The following NPAT variants were observed in gnomAD, a reference collection of about 807,000 sequenced individuals.
The protein encoded by NPAT is nuclear protein, coactivator of histone transcription.
A neutral mutation model predicts 130.7 loss-of-function variants in NPAT; 52 were observed. The observed-to-expected ratio is 0.40, with a 90% CI of 0.32 to 0.50. The LOEUF (loss-of-function observed/expected upper bound fraction) is 0.50, where lower values mean the gene tolerates loss of function less well. Ranked by LOEUF, NPAT falls within the 20% of genes least tolerant of loss-of-function variation. The pLI is 0.68. For missense variants in NPAT, 1,687 were observed against 1,662.6 expected (o/e 1.01, Z -0.26); for synonymous variants, 580 against 584.8 (o/e 0.99, Z 0.12).
chr11:108,207,804 C>T (rs769445084), intron 1 of NPAT, among the ~76,000 whole-genome samples: 14 of 152,160 alleles, frequency 9.2e-5, no homozygotes, highest in Non-Finnish European at 1.6e-4. Context: ...CCTGCCCATC[C>T]AACTTGGAAG....
intron 17 of NPAT, among the ~76,000 whole-genome samples, chr11:108,159,819 T>TG (rs923129028): frequency 1.3e-5 from 2 of 150,616 alleles, no homozygotes; most frequent in Non-Finnish European, 3.0e-5. Flanking sequence ...AAGACCAGCC[T>TG]GGGCAACATG....
chr11:108,192,039 T>C (rs900747694), intron 4 of NPAT, 79 bp downstream of exon 4: 5 of 948,450 alleles, frequency 5.3e-6, no homozygotes, highest in South Asian at 5.2e-5. Flanking sequence ...ATAAGTACAC[T>C]GTGTAGGTCT....
intron 8 of NPAT, 40 bp downstream of exon 8, chr11:108,186,442 A>G: frequency 6.9e-7 from 1 of 1,452,676 alleles, no homozygotes; most frequent in Non-Finnish European, 9.7e-7. Context: ...TTTTAAACTC[A>G]GGAATATTTT....
At position 108,192,320 on chromosome 11, in the gene NPAT, T is replaced by C. The variant is rs574281501; in HGVS notation, c.218-130A>G. Reference sequence around the variant, plus strand: ...TATGTTGGAAAATGAGAAATAAATCTATGTTGTAAAATAGCTTGCAAAGCT... The same window carrying C: ...TATGTTGGAAAATGAGAAATAAATCCATGTTGTAAAATAGCTTGCAAAGCT... On this transcript the variant is annotated intron_variant, in intron 3 of 17. Transcript: ENST00000278612. 31 of 726,742 alleles carry C rather than the reference T, an allele frequency of 4.3e-5. No homozygotes were observed. In the East Asian group the frequency reaches 7.8e-4, roughly 18 times the overall value. 45.0% of individuals were successfully genotyped at this position (726,742 alleles called of 1,614,324 possible). A position where few individuals can be genotyped will look rare whatever the true frequency, so the allele number is the denominator to read the frequency against.
chr11:108,170,917 A>C (rs1441308436), intron 13 of NPAT, among the ~76,000 whole-genome samples: 4 of 152,150 alleles, frequency 2.6e-5, no homozygotes, highest in Non-Finnish European at 5.9e-5. Flanking sequence ...ATATTTAATG[A>C]AATTTTATTG....
intron 1 of NPAT, among the ~76,000 whole-genome samples, chr11:108,212,472 C>T (rs1208114600): frequency 6.6e-6 from 1 of 150,550 alleles, no homozygotes; most frequent in Non-Finnish European, 1.5e-5. Context: ...TTGCAGTGAG[C>T]TGAGATAGGG....
rs190486036 is a variant in NPAT at position 108,161,758 on chromosome 11, G to A, written c.3328C>T (p.Pro1110Ser). ...SPNVSSTLKPPSNNAIKREKE... is the reference protein window; with the variant it reads ...SPNVSSTLKPSSNNAIKREKE... Reference sequence around the variant, plus strand: ...TCTCTTTTGATAGCATTATTAGAAGGGGGTTTTAAGGTGGAGGACACATTG... The same window carrying A: ...TCTCTTTTGATAGCATTATTAGAAGAGGGTTTTAAGGTGGAGGACACATTG... The change falls in exon 17 of 18, where the codon CCT becomes TCT. Residue 1110 changes from proline (P) to serine (S), a missense_variant. Pro to Ser is a moderately conservative substitution (Grantham distance 74, BLOSUM62 -1). Around this residue, in one of 3 missense-constraint regions of NPAT, gnomAD observed 1,379 missense variants for 1,346.6 expected, o/e 1.02. Transcript: ENST00000278612. The A allele has an allele frequency of 1.1e-5, 17 of 1,613,744 alleles. No individual in the cohort carries two copies. The Admixed American group carries it at 1.3e-4, about 13-fold the overall frequency.
rs146388398 is a variant in NPAT at position 108,191,600 on chromosome 11, T to C, written c.290+518A>G. 5.2e-4 allele frequency among the ~76,000 whole-genome samples: 79 copies of C among 152,340 alleles called. 2 individuals are homozygous for C. The East Asian group carries it at 0.015, about 29-fold the overall frequency. ...AAACCCATGCTGAAGTTAGGTGGGG[T>C]AGTCACTTATAGCTCTGAAAGAAAG... is the stretch of plus-strand genomic sequence containing the variant. On this transcript the variant is annotated intron_variant, in intron 4 of 17. Transcript: ENST00000278612.
intron 1 of NPAT, among the ~76,000 whole-genome samples, chr11:108,204,943 A>G (rs1282599936): frequency 1.3e-5 from 2 of 152,240 alleles, no homozygotes; most frequent in African/African-American, 4.8e-5. Flanking sequence ...AGAATATTTG[A>G]AGAAATAATG....
chr11:108,178,542 A>T (rs1165030074), intron 10 of NPAT, among the ~76,000 whole-genome samples: 3 of 152,208 alleles, frequency 2.0e-5, no homozygotes, highest in Non-Finnish European at 1.5e-5. Context: ...TTATAGAAAC[A>T]GGAAAAACTA....
At chr11:108,201,006 T>A (rs1336818465) in intron 1 of NPAT, among the ~76,000 whole-genome samples, 2 of 152,184 alleles carry the variant, frequency 1.3e-5, no homozygotes, top group Non-Finnish European at 2.9e-5. Context: ...CCCCAGCTGT[T>A]TGGGCAGTTC....
chr11:108,177,363 T>C (rs990861678), intron 10 of NPAT, among the ~76,000 whole-genome samples: 1 of 152,040 alleles, frequency 6.6e-6, no homozygotes, highest in East Asian at 1.9e-4. Context: ...GGTTGCTACC[T>C]TGCCCAGGGT....
At position 108,177,063 on chromosome 11, in the gene NPAT, T is replaced by A; in HGVS notation, c.934A>T (p.Ile312Leu). ...PSEIHMSEEA[I>L]QDILEQTESD... ...TCTGTCTGTTCCAATATGTCCTGTATAGCTTCTTCAGACATGTGAATTTCA... is the reference window on the plus strand; with the variant it reads ...TCTGTCTGTTCCAATATGTCCTGTAAAGCTTCTTCAGACATGTGAATTTCA... The change falls in exon 11 of 18, where the codon ATA becomes TTA. Residue 312 changes from isoleucine (I) to leucine (L), a missense_variant. Ile to Leu is a conservative substitution (Grantham distance 5). Transcript: ENST00000278612. 4 of 1,612,768 alleles carry A rather than the reference T, an allele frequency of 2.5e-6. No homozygotes were observed. Among genetic ancestry groups the A allele is most frequent in the Non-Finnish European group, 3.4e-6 (4 of 1,179,024 alleles).
At chr11:108,176,864 T>C (rs1356649985) in intron 11 of NPAT, 130 bp downstream of exon 11, 2 of 665,184 alleles carry the variant, frequency 3.0e-6, no homozygotes, top group African/African-American at 3.6e-5. Context: ...AACATATCCA[T>C]ATAATGTTTG....
intron 1 of NPAT, among the ~76,000 whole-genome samples, chr11:108,220,215 A>G (rs1331566213): frequency 2.0e-5 from 3 of 152,196 alleles, no homozygotes; most frequent in African/African-American, 7.2e-5. Context: ...CAGCAAGGCA[A>G]TAAGGGCTAC....
At chr11:108,159,251 T>C (rs970274315) in intron 17 of NPAT, among the ~76,000 whole-genome samples, 21 of 152,188 alleles carry the variant, frequency 1.4e-4, no homozygotes, top group African/African-American at 5.1e-4. Context: ...AAAGACATGA[T>C]ACAAATCCAG....
chr11:108,185,644 T>C (rs2078100058), intron 8 of NPAT, 150 bp from the exon 9 acceptor site: 2 of 663,824 alleles, frequency 3.0e-6, no homozygotes, highest in African/African-American at 3.7e-5. Flanking sequence ...TCCATATTAA[T>C]ACCTGAATAC....
intron 10 of NPAT, among the ~76,000 whole-genome samples, chr11:108,183,220 C>G (rs2078074065): frequency 6.6e-6 from 1 of 152,106 alleles, no homozygotes; most frequent in South Asian, 2.1e-4. Flanking sequence ...CCTCTGGGCT[C>G]AAGCAGTCCT....
Position 108,172,336 on chromosome 11 carries a change from C to T in NPAT, c.2648G>A (p.Ser883Asn). 6.2e-7 allele frequency: 1 copy of T among 1,614,196 alleles called. No homozygotes were observed. Among genetic ancestry groups the T allele is most frequent in the Non-Finnish European group, 8.5e-7 (1 of 1,180,040 alleles). ...TDPTALGTSV[S>N]QSNVVVLPGN... ...AGGCAACACCACTACATTAGACTGA[C>T]TTACAGATGTTCCTAACGCTGTTGG... Residue 883 changes from serine (S) to asparagine (N), a missense_variant, in exon 13 of 18, where the codon AGT becomes AAT. By Grantham distance (46) the Ser-to-Asn change is conservative (BLOSUM62 1). This residue lies in a region of NPAT where 1,379 missense variants were observed against 1,346.6 expected (regional missense o/e 1.02). Coordinates refer to ENST00000278612, the MANE Select transcript of NPAT (RefSeq NM_002519.3).
Sources: allele counts gnomAD v4.1 joint callset (sites outside exome capture counted in the v4.1 genomes callset), GRCh38; gene constraint gnomAD v4.1.1; regional missense constraint gnomAD v4.1.1; transcripts MANE v1.5; gene names NCBI Gene and HGNC (gene_info 2026-07-23, HGNC 2026-07-21).